SLC39A11: variants seen among roughly 807,000 people sequenced by gnomAD.
SLC39A11 encodes zinc transporter ZIP11.
In SLC39A11, 33 loss-of-function variants were observed where a neutral mutation model predicts 36.1. The ratio of observed to expected loss-of-function variants is 0.91; its 90% confidence interval spans 0.69 to 1.22. The LOEUF (loss-of-function observed/expected upper bound fraction) is 1.22. SLC39A11 is among the 50% of genes most tolerant of loss of function. SLC39A11 has a pLI of 0.00. For missense variants in SLC39A11, 432 were observed against 430.3 expected, an observed-to-expected ratio of 1.00 and a Z score of -0.03; for synonymous variants, 166 against 170.3, an observed-to-expected ratio of 0.97 and a Z score of 0.20.
intron 7 of SLC39A11, among the ~76,000 whole-genome samples, chr17:72,731,003 C>T (rs976634699): frequency 3.9e-5 from 6 of 152,182 alleles, no homozygotes; most frequent in African/African-American, 1.2e-4. Context: ...CCGCCCGCCT[C>T]GGCCTCCCAG....
At chr17:72,721,596 C>A (rs1471234159) in intron 7 of SLC39A11, among the ~76,000 whole-genome samples, 3 of 152,140 alleles carry the variant, frequency 2.0e-5, no homozygotes, top group African/African-American at 7.2e-5. Context: ...TTACTGTGGT[C>A]CATGGACCAA....
chr17:72,897,988 G>A (rs368456550), intron 5 of SLC39A11, among the ~76,000 whole-genome samples: 1 of 152,112 alleles, frequency 6.6e-6, no homozygotes, highest in Admixed American at 6.5e-5. Context: ...AAACGTAGGA[G>A]AGTCTGGAAA....
chr17:72,935,078 G>A (rs1368052766), intron 5 of SLC39A11, among the ~76,000 whole-genome samples: 2 of 152,154 alleles, frequency 1.3e-5, no homozygotes, highest in South Asian at 2.1e-4. Flanking sequence ...ATTGATAGAC[G>A]TTTCATTCAT....
At chr17:72,663,535 C>T (rs2070577753) in intron 7 of SLC39A11, among the ~76,000 whole-genome samples, 1 of 152,160 alleles carries the variant, frequency 6.6e-6, no homozygotes, top group Non-Finnish European at 1.5e-5. Context: ...TCACTATCCT[C>T]ACTTCTAACA....
At chr17:72,768,784 G>A (rs1042437615) in intron 6 of SLC39A11, among the ~76,000 whole-genome samples, 17 of 151,842 alleles carry the variant, frequency 1.1e-4, no homozygotes, top group African/African-American at 4.1e-4. Context: ...TTTTTGAGAT[G>A]GAGTCTTGCT....
chr17:72,983,155 TG>T (rs1366299372), intron 4 of SLC39A11, among the ~76,000 whole-genome samples: 1 of 147,580 alleles, frequency 6.8e-6, no homozygotes, highest in East Asian at 2.0e-4. Context: ...TATTTGTTTT[TG>T]TTTTTTTTTT....
At chr17:73,047,726 G>A (rs960043702) in intron 3 of SLC39A11, among the ~76,000 whole-genome samples, 1 of 151,740 alleles carries the variant, frequency 6.6e-6, no homozygotes, top group African/African-American at 2.4e-5. Flanking sequence ...CCAGCACTTT[G>A]GTAGGCTGAA....
chr17:73,085,026 T>G (rs577295343), intron 2 of SLC39A11, among the ~76,000 whole-genome samples, 180 bp from the exon 3 acceptor site: 12 of 152,280 alleles, frequency 7.9e-5, no homozygotes, highest in Non-Finnish European at 1.5e-4. Context: ...TTTGGTTAAC[T>G]TTCCACCCAC....
chr17:72,675,660 A>G (rs1031527555), intron 7 of SLC39A11, among the ~76,000 whole-genome samples: 1 of 151,602 alleles, frequency 6.6e-6, no homozygotes, highest in Non-Finnish European at 1.5e-5. Context: ...GAGTGCTGCC[A>G]GTGTGTGATG....
At chr17:72,957,040 G>A (rs747387548) in intron 4 of SLC39A11, among the ~76,000 whole-genome samples, 1 of 152,122 alleles carries the variant, frequency 6.6e-6, no homozygotes, top group Non-Finnish European at 1.5e-5. Flanking sequence ...CAGTTGGCCA[G>A]GAGTTGACTG....
At position 73,036,186 on chromosome 17, in the gene SLC39A11, T is replaced by C. The variant is rs144725372; in HGVS notation, c.148-4472A>G. Among the ~76,000 whole-genome samples, 172 of 152,372 alleles carry C rather than the reference T, an allele frequency of 1.1e-3. 1 individual carries two copies. The highest frequency in any genetic ancestry group is 3.9e-3 in the African/African-American group (164 of 41,578). On this transcript the variant is annotated intron_variant, in intron 3 of 9. Coordinates refer to ENST00000255559, the MANE Select transcript of SLC39A11 (RefSeq NM_139177.4). ...TTTAAGCCACTACATTCATGGTAGT[T>C]TGTTACAACAGCAATAGAAAATTAA... is the stretch of plus-strand genomic sequence containing the variant.
At position 72,723,680 on chromosome 17, in the gene SLC39A11, G is replaced by GT. The variant is rs1453857900; in HGVS notation, c.671+12969dup. On this transcript the variant is annotated intron_variant, in intron 7 of 9. Transcript: ENST00000255559. ...TTATTTGTTCCATCAGTCCTGGGGA[G>GT]TGAAGAAAGTGGGTCGTAAAAGTCT... 3.3e-5 allele frequency among the ~76,000 whole-genome samples: 5 copies of GT among 152,318 alleles called. No homozygotes were observed. In the South Asian group the frequency reaches 6.2e-4, roughly 19 times the overall value.
At chr17:73,004,192 AAAG>A (rs1366095205) in intron 4 of SLC39A11, among the ~76,000 whole-genome samples, 1 of 103,842 alleles carries the variant, frequency 9.6e-6, no homozygotes, top group East Asian at 3.9e-4. Context: ...AGAAAGAAAG[AAAG>A]AAAGAAAGAA....
chr17:72,753,106 C>T (rs1568032812), intron 6 of SLC39A11, among the ~76,000 whole-genome samples: 3 of 152,120 alleles, frequency 2.0e-5, no homozygotes, highest in Admixed American at 6.5e-5. Flanking sequence ...GACCCTCCAA[C>T]CTCGGTCTCC....
intron 4 of SLC39A11, among the ~76,000 whole-genome samples, chr17:73,005,349 C>T (rs1431534042): frequency 6.6e-6 from 1 of 152,134 alleles, no homozygotes. Flanking sequence ...AAAAGTTATC[C>T]CCAGGAGCTT....
At chr17:72,707,775 C>T (rs1051066293) in intron 7 of SLC39A11, among the ~76,000 whole-genome samples, 53 of 152,282 alleles carry the variant, frequency 3.5e-4, no homozygotes, top group African/African-American at 6.3e-4. Flanking sequence ...GCAAAGCGTA[C>T]GGCATGGAAT....
intron 7 of SLC39A11, among the ~76,000 whole-genome samples, chr17:72,714,478 G>A (rs1356502572): frequency 2.0e-5 from 3 of 152,166 alleles, no homozygotes; most frequent in Non-Finnish European, 4.4e-5. Flanking sequence ...GCCAAAAAAG[G>A]AAGGAAGCAG....
intron 6 of SLC39A11, among the ~76,000 whole-genome samples, chr17:72,752,204 A>G (rs1468521721): frequency 6.6e-6 from 1 of 152,130 alleles, no homozygotes; most frequent in Non-Finnish European, 1.5e-5. Flanking sequence ...GCTTGACTTG[A>G]AAGTGCTGCA....
At chr17:72,681,178 C>T (rs775954171) in intron 7 of SLC39A11, among the ~76,000 whole-genome samples, 2 of 152,132 alleles carry the variant, frequency 1.3e-5, no homozygotes, top group Admixed American at 6.6e-5. Flanking sequence ...CCGCCCACCT[C>T]GGCCTCCCAA....
Sources: gnomAD v4.1 joint callset for allele counts (sites outside exome capture counted in the v4.1 genomes callset) on GRCh38, gnomAD v4.1.1 for gene constraint, MANE v1.5 for transcripts, NCBI Gene and HGNC (gene_info 2026-07-23, HGNC 2026-07-21) for gene names.